Variants in SLC10A2 observed in about 807,000 individuals in gnomAD.
SLC10A2 encodes the protein solute carrier family 10 member 2.
In SLC10A2, 34 loss-of-function variants were observed where a neutral mutation model predicts 27.1. The observed-to-expected ratio is 1.26, with a 90% CI of 0.96 to 1.67. SLC10A2 has a LOEUF of 1.67. Among genes scored for constraint, SLC10A2 ranks in the 40% most tolerant of loss-of-function variants. The probability of loss-of-function intolerance (pLI) is 0.00; values close to 1 mark genes in which losing one functional copy is unlikely to be tolerated. For missense variants in SLC10A2, 530 were observed against 444.4 expected, an observed-to-expected ratio of 1.19 and a Z score of -1.73; for synonymous variants, 205 against 174.0, an observed-to-expected ratio of 1.18 and a Z score of -1.40.
chr13:103,048,749 A>T (rs1413613993), intron 5 of SLC10A2, among the ~76,000 whole-genome samples: 1 of 152,206 alleles, frequency 6.6e-6, no homozygotes, highest in Non-Finnish European at 1.5e-5. Context: ...CTTAAACTAC[A>T]CCTAGTACTT....
chr13:103,051,977 T>C (rs983972715), intron 3 of SLC10A2, among the ~76,000 whole-genome samples: 8 of 152,074 alleles, frequency 5.3e-5, no homozygotes, highest in African/African-American at 1.7e-4. Context: ...AAAACAAAAT[T>C]TGGAGATTAT....
intron 5 of SLC10A2, among the ~76,000 whole-genome samples, chr13:103,046,723 G>T (rs542652625): frequency 6.6e-6 from 1 of 152,250 alleles, no homozygotes; most frequent in East Asian, 1.9e-4. Flanking sequence ...TCTTTCCCCC[G>T]GAGAGAAGAG....
In SLC10A2 at chr13:103,046,234, C is replaced by T. The variant is rs1387166707; in HGVS notation, c.946G>A (p.Gly316Arg). The T allele has an allele frequency of 6.2e-7, 1 of 1,612,924 alleles. No homozygotes were observed. Among genetic ancestry groups the T allele is most frequent in the Non-Finnish European group, 8.5e-7 (1 of 1,179,244 alleles). Residue 316 changes from glycine to arginine, a missense_variant, in exon 6 of 6, where the codon GGA becomes AGA. By Grantham distance (125) the Gly-to-Arg change is moderately radical (BLOSUM62 -2). Transcript: ENST00000245312. ...TCTGGAATTTCTGCCTTGTTTTTTC[C>T]ATGACATTTCTTGTATGCCACATAA... ...GFYVAYKKCH[G>R]KNKAEIPESK...
chr13:103,060,886 A>ACAT (rs1173641438), intron 1 of SLC10A2, among the ~76,000 whole-genome samples: 1 of 151,714 alleles, frequency 6.6e-6, no homozygotes, highest in Non-Finnish European at 1.5e-5. Flanking sequence ...GCCCCCCAAA[A>ACAT]CAACAACAAC....
rs1289655971 is a variant in SLC10A2, at chr13:103,044,478, C to T, written c.*1655G>A. On this transcript the variant is annotated 3_prime_UTR_variant, in exon 6 of 6. Coordinates refer to ENST00000245312, the MANE Select transcript of SLC10A2 (RefSeq NM_000452.3). ...GTCTGTACCCCCTCTCCTCCACTAT[C>T]TCTTAAAATTATTTAGTCCATTTTG... 1 of 152,200 alleles carries T rather than the reference C, an allele frequency of 6.6e-6. No individual in the cohort carries two copies. Among genetic ancestry groups the T allele is most frequent in the Admixed American group, 6.5e-5 (1 of 15,274 alleles). The allele number at this position is 152,200 out of a possible 1,614,324, so 9.4% of individuals were successfully genotyped here.
intron 1 of SLC10A2, among the ~76,000 whole-genome samples, chr13:103,060,579 T>A (rs1158966806): frequency 6.6e-6 from 1 of 152,054 alleles, no homozygotes; most frequent in Non-Finnish European, 1.5e-5. Flanking sequence ...TTTCACCATG[T>A]TGTCCAGGCT....
intron 2 of SLC10A2, among the ~76,000 whole-genome samples, chr13:103,054,381 A>C (rs1595439819): frequency 6.6e-6 from 1 of 152,288 alleles, no homozygotes; most frequent in South Asian, 2.1e-4. Context: ...CTTTATAGCA[A>C]TGAGAGAACA....
chr13:103,059,582 C>T (rs1449480659), intron 1 of SLC10A2, among the ~76,000 whole-genome samples: 1 of 152,118 alleles, frequency 6.6e-6, no homozygotes, highest in Non-Finnish European at 1.5e-5. Flanking sequence ...GCCGTCCTTC[C>T]CTCCCCTTTT....
intron 2 of SLC10A2, among the ~76,000 whole-genome samples, chr13:103,054,260 C>T (rs968902190): frequency 2.0e-5 from 3 of 152,166 alleles, no homozygotes; most frequent in Admixed American, 6.5e-5. Flanking sequence ...TCCCCTTCTG[C>T]CATGATTGTA....
intron 1 of SLC10A2, among the ~76,000 whole-genome samples, chr13:103,062,770 T>C (rs866135716): frequency 6.6e-6 from 1 of 152,028 alleles, no homozygotes; most frequent in African/African-American, 2.4e-5. Flanking sequence ...GGAAAGTCTG[T>C]AAAATAATAA....
intron 1 of SLC10A2, among the ~76,000 whole-genome samples, chr13:103,060,619 G>A (rs544383870): frequency 1.2e-4 from 19 of 152,022 alleles, no homozygotes; most frequent in South Asian, 2.1e-4. Flanking sequence ...CAGGTGATCC[G>A]CTCGCCTAGG....
rs149238237 is a variant in SLC10A2 at position 103,056,514 on chromosome 13, A to G, written c.496+1750T>C. ...AGTCATTTCTCAGAAGGGAATGTAT[A>G]TCAAAAGGAGAATATTTTATGGCTT... is the stretch of plus-strand genomic sequence containing the variant. On this transcript the variant is annotated intron_variant, in intron 2 of 5. Coordinates refer to ENST00000245312, the MANE Select transcript of SLC10A2 (RefSeq NM_000452.3). 4.8e-3 allele frequency among the ~76,000 whole-genome samples: 726 copies of G among 152,298 alleles called. 3 individuals carry two copies. The highest frequency in any genetic ancestry group is 7.6e-3 in the Non-Finnish European group (517 of 68,012).
chr13:103,065,610 C>A (rs1876248487), intron 1 of SLC10A2, among the ~76,000 whole-genome samples: 1 of 152,020 alleles, frequency 6.6e-6, no homozygotes, highest in Non-Finnish European at 1.5e-5. Context: ...AGCTTTGAAT[C>A]TTTTCCTAGA....
chr13:103,047,311 T>C (rs1242370992), intron 5 of SLC10A2, among the ~76,000 whole-genome samples: 1 of 152,184 alleles, frequency 6.6e-6, no homozygotes, highest in Non-Finnish European at 1.5e-5. Flanking sequence ...GATTGGTCCC[T>C]GAACTTCTAG....
chr13:103,057,744 T>C (rs573945206), intron 2 of SLC10A2, among the ~76,000 whole-genome samples: 10 of 151,948 alleles, frequency 6.6e-5, no homozygotes, highest in African/African-American at 9.7e-5. Context: ...CCAGGCGTGG[T>C]AGTGCATGCT....
intron 1 of SLC10A2, among the ~76,000 whole-genome samples, chr13:103,062,635 T>C (rs1262893398): frequency 1.3e-5 from 2 of 152,144 alleles, no homozygotes; most frequent in African/African-American, 4.8e-5. Context: ...ATAGGAAGGA[T>C]TGATTGCTGT....
chr13:103,065,110 C>A (rs963969394), intron 1 of SLC10A2, among the ~76,000 whole-genome samples: 2 of 152,206 alleles, frequency 1.3e-5, no homozygotes, highest in African/African-American at 2.4e-5. Context: ...TTTGTCTATT[C>A]AACTTTTAGC....
In SLC10A2 at chr13:103,066,300, G is replaced by A. The variant is rs199581342; in HGVS notation, c.-51C>T. On this transcript the variant is annotated 5_prime_UTR_variant, in exon 1 of 6. Coordinates refer to ENST00000245312, the MANE Select transcript of SLC10A2 (RefSeq NM_000452.3). Reference sequence around the variant, plus strand: ...AAGTCCACAGAAGCGCTGGTCCCTGGGCCCTGGCTCTGCTGCTGGTTGAGT... The same window carrying A: ...AAGTCCACAGAAGCGCTGGTCCCTGAGCCCTGGCTCTGCTGCTGGTTGAGT... The A allele has an allele frequency of 6.4e-5, 99 of 1,537,964 alleles. No individual in the cohort carries two copies. Among genetic ancestry groups the A allele is most frequent in the Non-Finnish European group, 8.5e-5 (97 of 1,144,742 alleles).
At position 103,066,320 on chromosome 13, in the gene SLC10A2, T is replaced by A; in HGVS notation, c.-71A>T. On this transcript the variant is annotated 5_prime_UTR_variant, in exon 1 of 6. Coordinates refer to ENST00000245312, the MANE Select transcript of SLC10A2 (RefSeq NM_000452.3). ...CCCTGGGCCCTGGCTCTGCTGCTGGTTGAGTTAAGCAACGTTTACTTCTAC... is the reference window on the plus strand; with the variant it reads ...CCCTGGGCCCTGGCTCTGCTGCTGGATGAGTTAAGCAACGTTTACTTCTAC... 6.6e-7 allele frequency: 1 copy of A among 1,508,072 alleles called. No homozygotes were observed. Among genetic ancestry groups the A allele is most frequent in the Non-Finnish European group, 8.8e-7 (1 of 1,130,586 alleles). 93.4% of individuals were successfully genotyped at this position (1,508,072 alleles called of 1,614,324 possible). A position where few individuals can be genotyped will look rare whatever the true frequency, so the allele number is the denominator to read the frequency against.
Sources: gnomAD v4.1 joint callset for allele counts (sites outside exome capture counted in the v4.1 genomes callset) on GRCh38, gnomAD v4.1.1 for gene constraint, MANE v1.5 for transcripts, NCBI Gene and HGNC (gene_info 2026-07-23, HGNC 2026-07-21) for gene names.